The following UGGT1 variants were observed in gnomAD, a reference collection of about 807,000 sequenced individuals.
The protein encoded by UGGT1 is UDP-glucose glycoprotein glucosyltransferase 1.
A neutral mutation model predicts 203.9 loss-of-function variants in UGGT1; 107 were observed. The ratio of observed to expected loss-of-function variants is 0.52; its 90% CI spans 0.45 to 0.62. The LOEUF (loss-of-function observed/expected upper bound fraction) is 0.62, where lower values mean the gene tolerates loss of function less well. Among genes scored for constraint, UGGT1 ranks in the 20% least tolerant of loss-of-function variants. UGGT1 has a pLI of 0.00. For missense variants in UGGT1, 1,673 were observed against 1,867.2 expected (o/e 0.90, Z 1.92); for synonymous variants, 628 against 653.5 (o/e 0.96, Z 0.59).
At chr2:128,180,869 T>A (rs765872810) in intron 35 of UGGT1, 21 bp from the exon 36 acceptor site, 1 of 1,599,626 alleles carries the variant, frequency 6.3e-7, no homozygotes, top group Non-Finnish European at 8.5e-7. Flanking sequence ...GATTATTTGT[T>A]GTTCCCATGT....
chr2:128,093,624 G>A (rs1344058485), intron 1 of UGGT1, among the ~76,000 whole-genome samples: 4 of 152,162 alleles, frequency 2.6e-5, no homozygotes, highest in African/African-American at 9.7e-5. Flanking sequence ...ACTTGCCTTG[G>A]TTCTCACAAG....
At chr2:128,134,453 G>A (rs1171385432) in intron 14 of UGGT1, among the ~76,000 whole-genome samples, 1 of 152,186 alleles carries the variant, frequency 6.6e-6, no homozygotes, top group Admixed American at 6.5e-5. Context: ...TGCTTAACAC[G>A]TAATACGTGT....
chr2:128,156,153 C>CT (rs2104723968), intron 20 of UGGT1, among the ~76,000 whole-genome samples: 1 of 152,270 alleles, frequency 6.6e-6, no homozygotes, highest in Admixed American at 6.5e-5. Context: ...GCTGTGGTCT[C>CT]TCCCCAAGAG....
At chr2:128,112,133 T>C (rs1449789008) in intron 5 of UGGT1, among the ~76,000 whole-genome samples, 1 of 150,072 alleles carries the variant, frequency 6.7e-6, no homozygotes, top group Non-Finnish European at 1.5e-5. Flanking sequence ...TATAACATAT[T>C]ATATTGGCCA....
Position 128,173,676 on chromosome 2 carries a change from A to G in UGGT1, c.3295-105A>G, listed in dbSNP as rs1251421054. ...TGAATTTCTTAAAATATGATCATAT[A>G]TTATGTAAGTCCTTTTTGTCTGCTT... On this transcript the variant is annotated intron_variant, in intron 29 of 40. Coordinates refer to ENST00000259253, the MANE Select transcript of UGGT1 (RefSeq NM_020120.4). The G allele has an allele frequency of 2.8e-5, 36 of 1,268,288 alleles. No individual in the cohort carries two copies. In the East Asian group the frequency reaches 8.2e-4, roughly 29 times the overall value. 78.6% of individuals were successfully genotyped at this position (1,268,288 alleles called of 1,614,324 possible).
chr2:128,120,661 A>G (rs1026186228), intron 9 of UGGT1, among the ~76,000 whole-genome samples: 4 of 152,224 alleles, frequency 2.6e-5, no homozygotes, highest in African/African-American at 9.6e-5. Context: ...AGTAATATAT[A>G]TAAACAAATG....
chr2:128,187,854 G>A (rs1205071929), intron 40 of UGGT1, among the ~76,000 whole-genome samples: 4 of 150,768 alleles, frequency 2.7e-5, no homozygotes, highest in Non-Finnish European at 4.4e-5. Context: ...GGGGAGAAAG[G>A]GTATTTTAAT....
intron 22 of UGGT1, among the ~76,000 whole-genome samples, chr2:128,158,401 C>CCAGG (rs1690351504): frequency 6.6e-6 from 1 of 152,186 alleles, no homozygotes; most frequent in Admixed American, 6.5e-5. Context: ...GACACTACGC[C>CCAGG]TCTTCCCTCT....
intron 26 of UGGT1, 93 bp from the exon 27 acceptor site, chr2:128,170,195 G>A: frequency 1.0e-6 from 1 of 986,248 alleles, no homozygotes; most frequent in Non-Finnish European, 1.5e-6. Context: ...AAAGTTCTTT[G>A]AAATGCTAAG....
intron 18 of UGGT1, among the ~76,000 whole-genome samples, chr2:128,150,667 A>AATTTT (rs1323338869): frequency 4.2e-5 from 2 of 47,818 alleles, no homozygotes; most frequent in Admixed American, 3.0e-4. Flanking sequence ...TTAATTAATA[A>AATTTT]CTTTTTTTTT....
intron 24 of UGGT1, 51 bp from the exon 25 acceptor site, chr2:128,161,087 G>T: frequency 6.3e-7 from 1 of 1,599,988 alleles, no homozygotes; most frequent in Non-Finnish European, 8.5e-7. Context: ...CCAGCTTGCT[G>T]AGTGCAGGCA....
In UGGT1 at chr2:128,091,248, A is replaced by C. The variant is rs1026346264; in HGVS notation, c.-110A>C. The C allele has an allele frequency of 2.9e-4, 356 of 1,209,592 alleles. 1 individual carries two copies. Among genetic ancestry groups the C allele is most frequent in the Middle Eastern group, 2.3e-3 (8 of 3,450 alleles). The allele number at this position is 1,209,592 out of a possible 1,614,324, so 74.9% of individuals were successfully genotyped here. ...CTGGGTGTTGAGTCGAGCCGCGGGA[A>C]AGGCGCGTGTCGGCCTCTCACTGGC... On this transcript the variant is annotated 5_prime_UTR_variant, in exon 1 of 41. Coordinates refer to ENST00000259253, the MANE Select transcript of UGGT1 (RefSeq NM_020120.4).
chr2:128,166,513 C>T (rs1169439519), intron 26 of UGGT1, among the ~76,000 whole-genome samples: 2 of 152,102 alleles, frequency 1.3e-5, no homozygotes, highest in Non-Finnish European at 2.9e-5. Flanking sequence ...TTGTAATGAC[C>T]TTCTACAACT....
chr2:128,110,676 C>T (rs1157029090), intron 5 of UGGT1, among the ~76,000 whole-genome samples: 5 of 152,278 alleles, frequency 3.3e-5, no homozygotes. Context: ...GCGGTAACTG[C>T]TTTTAATGGT....
chr2:128,161,127 C>A lies in UGGT1; in HGVS notation c.2695-11C>A. ...TCCAGAGCTAAGCGCCTGCTCTTCT[C>A]TCCTTCACAGATCATTGGGCCACTG... is the stretch of plus-strand genomic sequence containing the variant. On this transcript the variant is annotated splice_polypyrimidine_tract_variant and intron_variant, in intron 24 of 40. Transcript: ENST00000259253. 6.2e-7 allele frequency: 1 copy of A among 1,613,586 alleles called. No individual in the cohort carries two copies. Among genetic ancestry groups the A allele is most frequent in the South Asian group, 1.1e-5 (1 of 90,962 alleles).
chr2:128,115,803 T>TA (rs1688073638), intron 7 of UGGT1, among the ~76,000 whole-genome samples: 2 of 152,164 alleles, frequency 1.3e-5, no homozygotes, highest in South Asian at 2.1e-4. Flanking sequence ...ATTTTAAAGA[T>TA]AAAAAATCAA....
Position 128,180,019 on chromosome 2 carries a change from C to G in UGGT1, c.3900+149C>G. ...GTTGCATATTTTTATTTTGATTATT[C>G]TTCCAGATTGGTCTATTTGAAGGAA... On this transcript the variant is annotated intron_variant, in intron 35 of 40. Coordinates refer to ENST00000259253, the MANE Select transcript of UGGT1 (RefSeq NM_020120.4). 4 of 666,024 alleles carry G rather than the reference C, an allele frequency of 6.0e-6. No individual in the cohort carries two copies. The South Asian group carries it at 6.1e-5, about 10-fold the overall frequency. The allele number at this position is 666,024 out of a possible 1,614,324, so 41.3% of individuals were successfully genotyped here.
intron 13 of UGGT1, 97 bp from the exon 14 acceptor site, chr2:128,133,044 A>G: frequency 1.4e-6 from 2 of 1,451,558 alleles, no homozygotes; most frequent in Non-Finnish European, 1.9e-6. Flanking sequence ...GTCTCACATG[A>G]TTCTTCTTAA....
intron 36 of UGGT1, among the ~76,000 whole-genome samples, chr2:128,181,401 A>T (rs546349612): frequency 6.1e-4 from 93 of 152,320 alleles, no homozygotes; most frequent in Middle Eastern, 3.4e-3. Context: ...TGCCCAAAAG[A>T]TAGGAGTTAT....
Sources: gnomAD v4.1 joint callset for allele counts (sites outside exome capture counted in the v4.1 genomes callset) on GRCh38, gnomAD v4.1.1 for gene constraint, MANE v1.5 for transcripts, NCBI Gene and HGNC (gene_info 2026-07-23, HGNC 2026-07-21) for gene names.